Variants in CNTNAP2 observed in about 807,000 individuals in gnomAD.
CNTNAP2 encodes the protein contactin associated protein 2.
CNTNAP2 carries 98 observed loss-of-function variants against 155.2 expected under a neutral mutation model. The observed-to-expected ratio is 0.63, with a 90% confidence interval of 0.54 to 0.75. The LOEUF (loss-of-function observed/expected upper bound fraction) is 0.75, where lower values mean the gene tolerates loss of function less well. Among genes scored for constraint, CNTNAP2 ranks in the 30% least tolerant of loss-of-function variants. CNTNAP2 has a pLI of 0.00. For synonymous variants in CNTNAP2, 651 were observed against 631.2 expected, an observed-to-expected ratio of 1.03 and a Z score of -0.47; for missense variants, 1,727 against 1,688.1, an observed-to-expected ratio of 1.02 and a Z score of -0.40.
chr7:146,417,402 T>G (rs1015736272), intron 1 of CNTNAP2, among the ~76,000 whole-genome samples: 1 of 152,178 alleles, frequency 6.6e-6, no homozygotes, highest in Non-Finnish European at 1.5e-5. Flanking sequence ...TAGATTTGCA[T>G]GCTAAGTACC....
At chr7:146,183,525 G>C (rs1798578739) in intron 1 of CNTNAP2, among the ~76,000 whole-genome samples, 1 of 151,780 alleles carries the variant, frequency 6.6e-6, no homozygotes, top group Non-Finnish European at 1.5e-5. Flanking sequence ...TGTGACTAAA[G>C]GGCTCAGAAA....
At chr7:146,815,391 G>T (rs139479260) in intron 2 of CNTNAP2, among the ~76,000 whole-genome samples, 1 of 151,992 alleles carries the variant, frequency 6.6e-6, no homozygotes, top group Admixed American at 6.6e-5. Context: ...AATTCGTAAT[G>T]ATTATATTTT....
chr7:147,872,029 G>T (rs1012714899), intron 13 of CNTNAP2, among the ~76,000 whole-genome samples: 4 of 152,190 alleles, frequency 2.6e-5, no homozygotes, highest in African/African-American at 7.2e-5. Flanking sequence ...GCAGGAAAAA[G>T]CCAGTGGCAG....
At chr7:148,363,645 A>G (rs1209471463) in intron 21 of CNTNAP2, among the ~76,000 whole-genome samples, 1 of 152,118 alleles carries the variant, frequency 6.6e-6, no homozygotes, top group East Asian at 1.9e-4. Context: ...TTGAGAGGTG[A>G]CAGCGTGCTG....
intron 3 of CNTNAP2, among the ~76,000 whole-genome samples, chr7:146,847,105 A>T (rs1803856825): frequency 6.9e-6 from 1 of 144,928 alleles, no homozygotes; most frequent in Admixed American, 6.7e-5. Flanking sequence ...CTGAGGCTAA[A>T]TAACTCCAAG....
At chr7:147,488,973 A>G (rs1798558317) in intron 11 of CNTNAP2, among the ~76,000 whole-genome samples, 1 of 152,200 alleles carries the variant, frequency 6.6e-6, no homozygotes, top group African/African-American at 2.4e-5. Flanking sequence ...TCATTTCATC[A>G]CTTTCAGAGC....
chr7:147,506,675 G>A (rs7808274), intron 11 of CNTNAP2, among the ~76,000 whole-genome samples: 68,072 of 152,080 alleles, frequency 0.45, 16,168 homozygotes, highest in African/African-American at 0.59. Flanking sequence ...TTAGTTGCCC[G>A]GAAGGTGTGA....
intron 13 of CNTNAP2, among the ~76,000 whole-genome samples, chr7:147,655,315 G>T (rs73472810): frequency 0.11 from 16,679 of 151,028 alleles, 1,158 homozygotes; most frequent in African/African-American, 0.19. Flanking sequence ...TAGAGATGGG[G>T]TTTTATCGTG....
chr7:146,942,668 G>T (rs11974567), intron 3 of CNTNAP2, among the ~76,000 whole-genome samples: 1,642 of 152,164 alleles, frequency 0.011, 32 homozygotes, highest in African/African-American at 0.038. Flanking sequence ...AACAAAGAAT[G>T]CATGTTCAAC....
chr7:147,301,077 G>A (rs1436544248), intron 9 of CNTNAP2, among the ~76,000 whole-genome samples: 1 of 152,148 alleles, frequency 6.6e-6, no homozygotes, highest in African/African-American at 2.4e-5. Flanking sequence ...GTTAAAGGAA[G>A]GGGATTTCAC....
intron 14 of CNTNAP2, among the ~76,000 whole-genome samples, chr7:147,950,511 G>C (rs1239228519): frequency 6.6e-6 from 1 of 150,984 alleles, no homozygotes; most frequent in Non-Finnish European, 1.5e-5. Context: ...GTGCTCTACT[G>C]TTATAATACC....
At chr7:146,800,613 C>G (rs1802858158) in intron 2 of CNTNAP2, among the ~76,000 whole-genome samples, 1 of 152,188 alleles carries the variant, frequency 6.6e-6, no homozygotes, top group African/African-American at 2.4e-5. Flanking sequence ...GAGACATTAA[C>G]TAGAAGAGGA....
At chr7:147,945,969 G>A (rs1392822026) in intron 14 of CNTNAP2, among the ~76,000 whole-genome samples, 2 of 147,700 alleles carry the variant, frequency 1.4e-5, no homozygotes, top group Admixed American at 7.0e-5. Flanking sequence ...CCAGGTTCAA[G>A]CTATTCTCCT....
In CNTNAP2 at chr7:146,870,874, G is replaced by A. The variant is rs573554197; in HGVS notation, c.402+30970G>A. 6.8e-4 allele frequency among the ~76,000 whole-genome samples: 103 copies of A among 152,248 alleles called. 1 individual carries two copies. The highest frequency in any genetic ancestry group is 2.4e-3 in the African/African-American group (98 of 41,556). On this transcript the variant is annotated intron_variant, in intron 3 of 23. Transcript: ENST00000361727. ...TTTCTAAACAATTTAAATGAAACAT[G>A]AGCTTTTAAGCTTATAGTAGGTGCT... is the stretch of plus-strand genomic sequence containing the variant.
At chr7:147,510,149 C>T (rs187823083) in intron 11 of CNTNAP2, among the ~76,000 whole-genome samples, 38 of 152,238 alleles carry the variant, frequency 2.5e-4, no homozygotes, top group Middle Eastern at 3.4e-3. Context: ...TCTGTTTTCT[C>T]TCTTAGCCTT....
At chr7:146,797,051 G>A (rs1802783481) in intron 2 of CNTNAP2, among the ~76,000 whole-genome samples, 1 of 152,098 alleles carries the variant, frequency 6.6e-6, no homozygotes, top group Non-Finnish European at 1.5e-5. Flanking sequence ...CAGGAGAATG[G>A]TGTGAACCCG....
chr7:146,263,275 GAGGAAGGA>G (rs1266735414), intron 1 of CNTNAP2, among the ~76,000 whole-genome samples: 13 of 141,138 alleles, frequency 9.2e-5, no homozygotes, highest in African/African-American at 2.2e-4. Flanking sequence ...GGGAGGGAGG[GAGGAAGGA>G]AGGAAGGAAG....
intron 15 of CNTNAP2, among the ~76,000 whole-genome samples, chr7:148,107,932 G>A (rs1804259465): frequency 6.6e-6 from 1 of 152,232 alleles, no homozygotes. Flanking sequence ...CAATCTGGGA[G>A]GGGAATGACA....
chr7:147,607,192 G>T (rs2116870573), intron 12 of CNTNAP2, among the ~76,000 whole-genome samples: 1 of 152,180 alleles, frequency 6.6e-6, no homozygotes, highest in African/African-American at 2.4e-5. Context: ...TCCAGGGACT[G>T]ATTATTTGGG....
Sources: allele counts gnomAD v4.1 joint callset (sites outside exome capture counted in the v4.1 genomes callset), GRCh38; gene constraint gnomAD v4.1.1; transcripts MANE v1.5; gene names NCBI Gene and HGNC (gene_info 2026-07-23, HGNC 2026-07-21).